The following NMNAT3 variants were observed in gnomAD, a reference collection of about 807,000 sequenced individuals.
The protein encoded by NMNAT3 is nicotinamide/nicotinic acid mononucleotide adenylyltransferase 3.
Under a neutral mutation model 24.8 loss-of-function variants are expected in NMNAT3, and 21 were observed. That is an observed-to-expected ratio of 0.85 (90% CI 0.60 to 1.22). The LOEUF is 1.22. NMNAT3 is among the 50% of genes most tolerant of loss of function. NMNAT3 has a pLI of 0.00. For missense variants in NMNAT3, 387 were observed against 436.6 expected (o/e 0.89, Z 1.01); for synonymous variants, 136 against 155.2 (o/e 0.88, Z 0.92).
At chr3:139,575,841 G>T in intron 5 of NMNAT3, 1 of 1,220,530 alleles carries the variant, frequency 8.2e-7, no homozygotes, top group South Asian at 1.5e-5. Flanking sequence ...AACTGTGGGA[G>T]GTGTAAAGCC....
intron 1 of NMNAT3, among the ~76,000 whole-genome samples, chr3:139,676,436 C>T (rs1385447799): frequency 1.3e-5 from 2 of 152,168 alleles, no homozygotes; most frequent in East Asian, 3.9e-4. Flanking sequence ...AGAGGTGACA[C>T]CAAAAGCTGA....
At chr3:139,600,926 A>G (rs539522081) in intron 3 of NMNAT3, among the ~76,000 whole-genome samples, 2 of 152,136 alleles carry the variant, frequency 1.3e-5, no homozygotes, top group Non-Finnish European at 2.9e-5. Flanking sequence ...CACTGACCAG[A>G]ATCTTTTCGC....
At chr3:139,653,205 C>G in intron 1 of NMNAT3, among the ~76,000 whole-genome samples, 1 of 152,026 alleles carries the variant, frequency 6.6e-6, no homozygotes, top group South Asian at 2.1e-4. Flanking sequence ...TTAAATGGCT[C>G]CTAAGAGGTC....
intron 1 of NMNAT3, among the ~76,000 whole-genome samples, chr3:139,648,656 A>C (rs1052136597): frequency 6.6e-6 from 1 of 152,200 alleles, no homozygotes; most frequent in Non-Finnish European, 1.5e-5. Context: ...AATTATTAAT[A>C]AACATGGCCA....
At chr3:139,564,245 C>G (rs138568927) in intron 6 of NMNAT3, among the ~76,000 whole-genome samples, 1 of 150,846 alleles carries the variant, frequency 6.6e-6, no homozygotes, top group Admixed American at 6.6e-5. Context: ...AACACTGCCA[C>G]CAACAGTGAT....
chr3:139,677,019 T>C (rs979250164), intron 1 of NMNAT3, among the ~76,000 whole-genome samples: 1 of 152,070 alleles, frequency 6.6e-6, no homozygotes, highest in African/African-American at 2.4e-5. Flanking sequence ...GAACTTGCTT[T>C]CCCCCCAGCT....
chr3:139,562,885 C>T (rs542429207), intron 6 of NMNAT3, among the ~76,000 whole-genome samples: 6 of 152,282 alleles, frequency 3.9e-5, no homozygotes, highest in African/African-American at 9.6e-5. Context: ...GTCTAGTAAA[C>T]GATATTCAAA....
chr3:139,610,495 TAAAA>T (rs1245635012), intron 3 of NMNAT3, among the ~76,000 whole-genome samples: 2 of 152,236 alleles, frequency 1.3e-5, no homozygotes, highest in Admixed American at 6.5e-5. Flanking sequence ...TCAACATTCT[TAAAA>T]CTATCTTCTC....
intron 6 of NMNAT3, among the ~76,000 whole-genome samples, chr3:139,571,887 T>C (rs1364078523): frequency 1.3e-5 from 2 of 152,202 alleles, no homozygotes; most frequent in African/African-American, 2.4e-5. Context: ...GTGTTGTCCC[T>C]CCTGAGTCAC....
intron 6 of NMNAT3, chr3:139,569,707 G>T (rs1937810319): frequency 6.6e-6 from 1 of 152,212 alleles, no homozygotes; most frequent in Admixed American, 6.5e-5. Flanking sequence ...TCTGCCGAGA[G>T]GTCCGCTGTT....
intron 1 of NMNAT3, among the ~76,000 whole-genome samples, chr3:139,644,271 A>G (rs1367835032): frequency 1.3e-5 from 2 of 152,224 alleles, no homozygotes; most frequent in East Asian, 3.8e-4. Context: ...GGGAATAGGA[A>G]AAAATTCACA....
chr3:139,606,726 G>A lies in NMNAT3; in HGVS notation c.109+20890C>T, dbSNP rs55712813. ...CTACAATATTAATTAGTATTCTACC[G>A]TAAGGAAGGATTGACCTTTCTCCTG... is the stretch of plus-strand genomic sequence containing the variant. On this transcript the variant is annotated intron_variant, in intron 3 of 6. Coordinates refer to ENST00000643695, the MANE Select transcript of NMNAT3 (RefSeq NM_001320510.2). 8.0e-3 allele frequency among the ~76,000 whole-genome samples: 1,219 copies of A among 152,142 alleles called. 8 individuals are homozygous for A. Among genetic ancestry groups the A allele is most frequent in the Non-Finnish European group, 0.013 (875 of 68,000 alleles).
intron 2 of NMNAT3, among the ~76,000 whole-genome samples, chr3:139,631,402 AG>A (rs1559931555): frequency 6.6e-6 from 1 of 152,184 alleles, no homozygotes. Flanking sequence ...ATCAGACACA[AG>A]GCAAGATGCA....
intron 6 of NMNAT3, chr3:139,568,454 T>C (rs1937564104): frequency 1.3e-5 from 2 of 152,260 alleles, no homozygotes; most frequent in African/African-American, 2.4e-5. Flanking sequence ...ATTTTGGATC[T>C]TTCCTGCTTT....
At chr3:139,572,764 TTCTC>T (rs1202248391) in intron 6 of NMNAT3, among the ~76,000 whole-genome samples, 23 of 152,318 alleles carry the variant, frequency 1.5e-4, no homozygotes, top group African/African-American at 5.3e-4. Flanking sequence ...TGCAAGGTAT[TTCTC>T]TTTCTTGTAG....
chr3:139,631,566 G>A (rs932932154), intron 2 of NMNAT3, among the ~76,000 whole-genome samples: 1 of 152,190 alleles, frequency 6.6e-6, no homozygotes, highest in Non-Finnish European at 1.5e-5. Flanking sequence ...GATTTAACAA[G>A]TTGAGAATGT....
chr3:139,634,994 C>A (rs2056447231), intron 2 of NMNAT3: 1 of 152,140 alleles, frequency 6.6e-6, no homozygotes, highest in East Asian at 1.9e-4. Context: ...CTCAGTGAGC[C>A]ACATAGAAAG....
intron 6 of NMNAT3, chr3:139,571,390 A>C (rs1446274295): frequency 1.3e-5 from 2 of 152,688 alleles, no homozygotes; most frequent in Admixed American, 1.3e-4. Flanking sequence ...CAGTGAGATG[A>C]ACCTGGTACC....
At chr3:139,566,812 G>C (rs1046984345) in intron 6 of NMNAT3, 23 of 152,180 alleles carry the variant, frequency 1.5e-4, no homozygotes, top group South Asian at 2.1e-4. Flanking sequence ...CTCCAGATTT[G>C]TTCTTTTGGC....
Sources: allele counts gnomAD v4.1 joint callset (sites outside exome capture counted in the v4.1 genomes callset), GRCh38; gene constraint gnomAD v4.1.1; transcripts MANE v1.5; gene names NCBI Gene and HGNC (gene_info 2026-07-23, HGNC 2026-07-21).